NREP: variants seen among roughly 807,000 people sequenced by gnomAD.
NREP encodes neuronal regeneration-related protein.
Under a neutral mutation model 8.6 loss-of-function variants are expected in NREP, and 5 were observed. The observed-to-expected ratio is 0.58, with a 90% CI of 0.30 to 1.22. The LOEUF (loss-of-function observed/expected upper bound fraction) is 1.22, where lower values mean the gene tolerates loss of function less well. Among genes scored for constraint, NREP ranks in the 50% most tolerant of loss-of-function variants. The probability of loss-of-function intolerance (pLI) is 0.07; values close to 1 mark genes in which losing one functional copy is unlikely to be tolerated. For synonymous variants in NREP, 27 were observed against 28.0 expected (o/e 0.96, Z 0.11); for missense variants, 86 against 82.5 (o/e 1.04, Z -0.17).
At chr5:111,918,323 C>T (rs1037053472) in intron 2 of NREP, among the ~76,000 whole-genome samples, 4 of 152,166 alleles carry the variant, frequency 2.6e-5, no homozygotes, top group African/African-American at 4.8e-5. Context: ...ATCAAACTAC[C>T]ACTGACTTTC....
intron 2 of NREP, among the ~76,000 whole-genome samples, chr5:111,802,502 CAG>C (rs753303191): frequency 4.6e-5 from 7 of 152,108 alleles, no homozygotes; most frequent in Non-Finnish European, 8.8e-5. Flanking sequence ...GCAGGAAAGA[CAG>C]AGTGTACATA....
At chr5:111,917,186 A>G (rs975159044) in intron 2 of NREP, among the ~76,000 whole-genome samples, 16 of 152,146 alleles carry the variant, frequency 1.1e-4, no homozygotes, top group African/African-American at 3.1e-4. Context: ...TGCTAGACCA[A>G]TAACATGTTC....
intron 2 of NREP, among the ~76,000 whole-genome samples, chr5:111,777,581 T>A (rs1285714383): frequency 1.3e-5 from 2 of 152,082 alleles, no homozygotes; most frequent in Admixed American, 6.6e-5. Flanking sequence ...AATGCTTCAG[T>A]GTAGTTGCAC....
chr5:111,953,564 C>G (rs958186573), intron 2 of NREP, among the ~76,000 whole-genome samples: 6 of 152,050 alleles, frequency 3.9e-5, no homozygotes, highest in Non-Finnish European at 8.8e-5. Flanking sequence ...CGCAGGCCAA[C>G]TCTGTAAGTT....
chr5:111,824,363 C>T (rs984919186), intron 2 of NREP, among the ~76,000 whole-genome samples: 5 of 152,076 alleles, frequency 3.3e-5, no homozygotes, highest in African/African-American at 9.7e-5. Context: ...AGCGAGACTC[C>T]GTCTCAAAAA....
intron 2 of NREP, among the ~76,000 whole-genome samples, chr5:111,934,613 G>C (rs1376262571): frequency 1.3e-5 from 2 of 152,042 alleles, no homozygotes; most frequent in African/African-American, 4.8e-5. Context: ...GAGCTGCTCA[G>C]AGAATTCTCC....
chr5:111,871,846 C>CTATA (rs141111202), intron 2 of NREP, among the ~76,000 whole-genome samples: 12,824 of 144,352 alleles, frequency 0.089, 723 homozygotes, highest in Non-Finnish European at 0.13. Context: ...GTAGTACAGA[C>CTATA]TATATATATA....
chr5:111,770,411 T>C (rs187814412), intron 2 of NREP, among the ~76,000 whole-genome samples: 3 of 152,274 alleles, frequency 2.0e-5, no homozygotes, highest in African/African-American at 7.2e-5. Context: ...TTAGAATTCA[T>C]TTGAGGTTTT....
At chr5:111,875,462 T>C (rs1212361536) in intron 2 of NREP, among the ~76,000 whole-genome samples, 1 of 152,200 alleles carries the variant, frequency 6.6e-6, no homozygotes, top group African/African-American at 2.4e-5. Flanking sequence ...GAAATCTTAT[T>C]GTGGTTTTCA....
At chr5:111,799,212 G>C (rs561267429) in intron 2 of NREP, among the ~76,000 whole-genome samples, 17 of 152,240 alleles carry the variant, frequency 1.1e-4, no homozygotes, top group Admixed American at 3.3e-4. Flanking sequence ...GATGCCTCCA[G>C]ATTTGTTCTC....
intron 2 of NREP, among the ~76,000 whole-genome samples, chr5:111,838,871 A>G (rs1326481857): frequency 2.0e-5 from 3 of 152,124 alleles, no homozygotes; most frequent in Non-Finnish European, 4.4e-5. Flanking sequence ...GTATACACAG[A>G]TGAGCTCTAA....
chr5:111,816,845 A>G (rs905855020), intron 2 of NREP, among the ~76,000 whole-genome samples: 6 of 151,890 alleles, frequency 4.0e-5, no homozygotes, highest in Admixed American at 1.3e-4. Context: ...CTATATAAAA[A>G]TAAAATATTC....
chr5:111,777,614 G>C (rs918812844), intron 2 of NREP, among the ~76,000 whole-genome samples: 4 of 152,042 alleles, frequency 2.6e-5, no homozygotes, highest in Admixed American at 6.6e-5. Flanking sequence ...GTGTATATTT[G>C]TGGTATTCAG....
At chr5:111,814,963 G>GAAA (rs60414933) in intron 2 of NREP, among the ~76,000 whole-genome samples, 1 of 135,798 alleles carries the variant, frequency 7.4e-6, no homozygotes. Flanking sequence ...TTACCAAGAG[G>GAAA]AAAAAAAAAA....
chr5:111,802,168 A>G (rs1014109981), intron 2 of NREP, among the ~76,000 whole-genome samples: 2 of 152,250 alleles, frequency 1.3e-5, no homozygotes, highest in Admixed American at 1.3e-4. Flanking sequence ...GTTCAGAGTG[A>G]TCAGAAAGGG....
At chr5:111,752,670 T>C (rs1238048950) in intron 2 of NREP, among the ~76,000 whole-genome samples, 1 of 152,170 alleles carries the variant, frequency 6.6e-6, no homozygotes, top group African/African-American at 2.4e-5. Flanking sequence ...CTCATCTGTT[T>C]TAAAAGCTCA....
intron 2 of NREP, among the ~76,000 whole-genome samples, chr5:111,813,432 G>A (rs548747744): frequency 8.3e-4 from 127 of 152,104 alleles, no homozygotes; most frequent in Admixed American, 4.0e-3. Context: ...TGCATATAAA[G>A]GTGATGACTT....
At chr5:111,760,286 C>G (rs758238880), upstream of NREP, among the ~76,000 whole-genome samples, 31 of 152,166 alleles carry the variant, frequency 2.0e-4, no homozygotes, top group Admixed American at 1.3e-4. Context: ...GTCAGGGAGA[C>G]TCATCCTTGA....
chr5:111,887,875 G>A (rs1478607117), intron 2 of NREP, among the ~76,000 whole-genome samples: 1 of 152,176 alleles, frequency 6.6e-6, no homozygotes, highest in African/African-American at 2.4e-5. Context: ...CCACCTAGTT[G>A]ACTGGCCTAG....
Sources: allele counts gnomAD v4.1 joint callset (sites outside exome capture counted in the v4.1 genomes callset), GRCh38; gene constraint gnomAD v4.1.1; transcripts MANE v1.5; gene names NCBI Gene and HGNC (gene_info 2026-07-23, HGNC 2026-07-21).